The following MYO16 variants were observed in gnomAD, a reference collection of about 807,000 sequenced individuals.
The protein encoded by MYO16 is myosin XVI, also known as unconventional myosin-XVI.
In MYO16, 94 loss-of-function variants were observed where a neutral mutation model predicts 205.3. That is an observed-to-expected ratio of 0.46 (90% CI 0.39 to 0.54). MYO16 has a LOEUF of 0.54. Ranked by LOEUF, MYO16 falls within the 20% of genes least tolerant of loss-of-function variation. The pLI, the probability that MYO16 is intolerant of heterozygous loss-of-function variation, is 0.00. For synonymous variants in MYO16, 988 were observed against 954.0 expected (o/e 1.04, Z -0.66); for missense variants, 2,315 against 2,387.5 (o/e 0.97, Z 0.63).
chr13:108,862,442 G>A (rs1267088376), intron 11 of MYO16, among the ~76,000 whole-genome samples: 1 of 152,138 alleles, frequency 6.6e-6, no homozygotes, highest in African/African-American at 2.4e-5. Flanking sequence ...ATGTGGAAAA[G>A]ATTTCACAAT....
At chr13:109,017,866 A>C (rs142016419) in intron 22 of MYO16, among the ~76,000 whole-genome samples, 3 of 106,300 alleles carry the variant, frequency 2.8e-5, no homozygotes, top group Non-Finnish European at 6.2e-5. Context: ...CCATTCGTCT[A>C]ATCTTTTTTC....
chr13:108,767,613 T>TCC, intron 4 of MYO16, among the ~76,000 whole-genome samples: 10 of 152,286 alleles, frequency 6.6e-5, no homozygotes, highest in African/African-American at 2.2e-4. Flanking sequence ...TTAATTGAAA[T>TCC]TATGTTATTT....
intron 22 of MYO16, among the ~76,000 whole-genome samples, chr13:109,010,781 G>A (rs1441450350): frequency 6.6e-6 from 1 of 151,652 alleles, no homozygotes; most frequent in Admixed American, 6.6e-5. Context: ...AAGCAATGAT[G>A]GATAATATTG....
rs1435867100 is a variant in MYO16, at chr13:109,140,139, G to A, written c.4052-125G>A. ...GGGAGCCTAGTGGGTGGAGGAACAT[G>A]CAGGCCCGGTCCCTTGGGATTCTCG... is the stretch of plus-strand genomic sequence containing the variant. On this transcript the variant is annotated intron_variant, in intron 31 of 34. Coordinates refer to ENST00000457511, the MANE Select transcript of MYO16 (RefSeq NM_001198950.3). This position sits in a 1 kb window ranked among gnomAD's most constrained non-coding sequence, Gnocchi z 8.0. The A allele has an allele frequency of 4.8e-6, 7 of 1,457,210 alleles. No homozygotes were observed. The highest frequency in any genetic ancestry group is 6.3e-6 in the Non-Finnish European group (7 of 1,113,034). The allele number at this position is 1,457,210 out of a possible 1,614,324, so 90.3% of individuals were successfully genotyped here.
At chr13:108,949,706 A>G (rs144956053) in intron 16 of MYO16, among the ~76,000 whole-genome samples, 1 of 152,278 alleles carries the variant, frequency 6.6e-6, no homozygotes, top group African/African-American at 2.4e-5. Flanking sequence ...CAGAACTTCT[A>G]ATAGCTAAAA....
intron 16 of MYO16, among the ~76,000 whole-genome samples, chr13:108,915,165 A>G (rs11838925): frequency 0.05 from 7,561 of 152,282 alleles, 637 homozygotes; most frequent in African/African-American, 0.17. Context: ...AGATATAGAC[A>G]TCACCTCCTA....
intron 1 of MYO16, among the ~76,000 whole-genome samples, chr13:108,602,193 C>G (rs797008677): frequency 4.0e-5 from 6 of 151,576 alleles, no homozygotes; most frequent in African/African-American, 1.5e-4. Context: ...CCCAGCCTCA[C>G]AACTCTGAGA....
At chr13:108,560,314 C>T in the MYO16 span, among the ~76,000 whole-genome samples, 31 of 152,274 alleles carry the variant, frequency 2.0e-4, no homozygotes, top group Middle Eastern at 3.4e-3. Context: ...AATATCAAAC[C>T]AATGAATGGG....
Position 108,992,395 on chromosome 13 carries a change from G to C in MYO16, c.2389G>C (p.Gly797Arg). ...EQKSMQTLDI[G>R]ILDIFGFEEF... ...TTTCAGCATGCAGACATTGGATATTGGAATATTGGACATTTTTGGTTTTGA... is the reference window on the plus strand; with the variant it reads ...TTTCAGCATGCAGACATTGGATATTCGAATATTGGACATTTTTGGTTTTGA... The change falls in exon 21 of 35, where the codon GGA becomes CGA. Residue 797 changes from glycine to arginine, a missense_variant. Gly to Arg is a moderately radical substitution (Grantham distance 125). This residue lies in a region of MYO16 where 1,213 missense variants were observed against 1,274.4 expected (regional missense o/e 0.95). Transcript: ENST00000457511. 1 of 1,609,348 alleles carries C rather than the reference G, an allele frequency of 6.2e-7. No individual in the cohort carries two copies. Among genetic ancestry groups the C allele is most frequent in the Non-Finnish European group, 8.5e-7 (1 of 1,176,556 alleles).
At chr13:109,024,009 TTATA>T (rs1322702862) in intron 23 of MYO16, among the ~76,000 whole-genome samples, 2 of 48,452 alleles carry the variant, frequency 4.1e-5, no homozygotes, top group African/African-American at 1.2e-4. Flanking sequence ...TATAGAAATA[TTATA>T]TATACAATGT....
intron 24 of MYO16, among the ~76,000 whole-genome samples, chr13:109,051,956 A>G (rs530719564): frequency 2.6e-5 from 4 of 152,212 alleles, no homozygotes; most frequent in East Asian, 1.9e-4. Context: ...AATAGAGACC[A>G]TAAGTCTTCA....
At chr13:108,705,180 C>A (rs1408790165) in intron 2 of MYO16, among the ~76,000 whole-genome samples, 1 of 152,212 alleles carries the variant, frequency 6.6e-6, no homozygotes, top group Admixed American at 6.5e-5. Context: ...CCATCTCACT[C>A]CATTCCATCT....
intron 4 of MYO16, among the ~76,000 whole-genome samples, chr13:108,744,208 A>C (rs1223937968): frequency 6.6e-6 from 1 of 152,204 alleles, no homozygotes; most frequent in Non-Finnish European, 1.5e-5. Flanking sequence ...GAATGACTTC[A>C]ACTTCCTACT....
chr13:108,743,665 C>T (rs185914990), intron 4 of MYO16, among the ~76,000 whole-genome samples: 2 of 152,150 alleles, frequency 1.3e-5, no homozygotes, highest in African/African-American at 2.4e-5. Flanking sequence ...ATATTAGTAA[C>T]GTCTTTGCCT....
chr13:108,685,086 G>A (rs1041794809), intron 2 of MYO16, among the ~76,000 whole-genome samples: 3 of 148,504 alleles, frequency 2.0e-5, no homozygotes, highest in African/African-American at 2.5e-5. Context: ...GCAGTGACAC[G>A]ATCTCGGCTC....
intron 27 of MYO16, among the ~76,000 whole-genome samples, chr13:109,072,201 C>T (rs1324546697): frequency 1.3e-5 from 2 of 151,990 alleles, no homozygotes; most frequent in Non-Finnish European, 2.9e-5. Context: ...TCTCTCAAGG[C>T]GCATGTTCAC....
chr13:108,928,742 C>T lies in MYO16; in HGVS notation c.1925+18592C>T, dbSNP rs115311958. On this transcript the variant is annotated intron_variant, in intron 16 of 34. Coordinates refer to ENST00000457511, the MANE Select transcript of MYO16 (RefSeq NM_001198950.3). ...ACCTAAAGCTGTATTTTCTTTTCAG[C>T]TTAAAATGCCTAAAAGTAAAATAAT... is the stretch of plus-strand genomic sequence containing the variant. Among the ~76,000 whole-genome samples, 192 of 152,240 alleles carry T rather than the reference C, an allele frequency of 1.3e-3. 1 individual carries two copies. The highest frequency in any genetic ancestry group is 3.3e-3 in the African/African-American group (137 of 41,542).
intron 1 of MYO16, among the ~76,000 whole-genome samples, chr13:108,630,196 TG>T (rs2139352749): frequency 6.6e-6 from 1 of 152,198 alleles, no homozygotes; most frequent in African/African-American, 2.4e-5. Context: ...AGCATATTTT[TG>T]CTCATTGGCA....
chr13:109,164,988 A>C lies in MYO16; in HGVS notation c.5252A>C (p.Asn1751Thr). The change falls in exon 33 of 35, where the codon AAC becomes ACC. Residue 1751 changes from asparagine (N) to threonine (T), a missense_variant. This residue lies in a region of MYO16 where 1,097 missense variants were observed against 1,092.0 expected (regional missense o/e 1.00). Coordinates refer to ENST00000457511, the MANE Select transcript of MYO16 (RefSeq NM_001198950.3). ...TSETQDRNAN[N>T]HGIQLSNSLS... Reference sequence around the variant, plus strand: ...GAGACTCAAGACAGAAATGCAAATAACCATGGAATTCAGTTATCTAATTCA... The same window carrying C: ...GAGACTCAAGACAGAAATGCAAATACCCATGGAATTCAGTTATCTAATTCA... The C allele has an allele frequency of 1.2e-6, 2 of 1,607,722 alleles. No individual in the cohort carries two copies. Among genetic ancestry groups the C allele is most frequent in the Non-Finnish European group, 1.7e-6 (2 of 1,176,150 alleles).
Sources: allele counts gnomAD v4.1 joint callset (sites outside exome capture counted in the v4.1 genomes callset), GRCh38; gene constraint gnomAD v4.1.1; regional missense constraint gnomAD v4.1.1; non-coding constraint Gnocchi (gnomAD v3.1); transcripts MANE v1.5; gene names NCBI Gene and HGNC (gene_info 2026-07-23, HGNC 2026-07-21).